The following IMMP2L variants were observed in gnomAD, a reference collection of about 807,000 sequenced individuals.
The protein encoded by IMMP2L is mitochondrial inner membrane protease subunit 2.
A neutral mutation model predicts 19.3 loss-of-function variants in IMMP2L; 18 were observed. The observed-to-expected ratio is 0.93, with a 90% CI of 0.64 to 1.38. The LOEUF is 1.38. Ranked by LOEUF, IMMP2L falls within the 40% of genes most tolerant of loss-of-function variation. IMMP2L has a pLI of 0.00. For synonymous variants in IMMP2L, 76 were observed against 73.0 expected (o/e 1.04, Z -0.21); for missense variants, 233 against 218.2 (o/e 1.07, Z -0.43).
intron 3 of IMMP2L, among the ~76,000 whole-genome samples, chr7:111,242,734 C>T (rs1278988953): frequency 6.6e-6 from 1 of 151,830 alleles, no homozygotes; most frequent in African/African-American, 2.4e-5. Flanking sequence ...CAACCAAAGC[C>T]TATGGCACAA....
chr7:111,497,603 A>C (rs1172354135), intron 2 of IMMP2L, among the ~76,000 whole-genome samples: 1 of 152,158 alleles, frequency 6.6e-6, no homozygotes, highest in Non-Finnish European at 1.5e-5. Context: ...GGACGGAAGA[A>C]AAAAGGGAAA....
At chr7:110,872,670 C>A (rs766067875) in intron 5 of IMMP2L, among the ~76,000 whole-genome samples, 2 of 152,252 alleles carry the variant, frequency 1.3e-5, no homozygotes, top group South Asian at 2.1e-4. Context: ...TCTTCCAGGA[C>A]GGGCACTTAA....
At chr7:110,950,787 T>A (rs999046059) in intron 4 of IMMP2L, among the ~76,000 whole-genome samples, 1 of 147,860 alleles carries the variant, frequency 6.8e-6, no homozygotes, top group Non-Finnish European at 1.5e-5. Context: ...TTCTATGAGT[T>A]TGATGTATTT....
rs981817209 is a variant in IMMP2L, at chr7:111,454,567, T to C, written c.239+32671A>G. On this transcript the variant is annotated intron_variant, in intron 3 of 5. Transcript: ENST00000405709. Reference sequence around the variant, plus strand: ...TAGCTAATTTCATTAATATTTCCTGTGTATCATTTCAAAAAAAATTACTAA... The same window carrying C: ...TAGCTAATTTCATTAATATTTCCTGCGTATCATTTCAAAAAAAATTACTAA... Among the ~76,000 whole-genome samples the C allele has an allele frequency of 1.3e-5, 2 of 152,066 alleles. 1 individual carries two copies. The highest frequency in any genetic ancestry group is 1.3e-4 in the Admixed American group (2 of 15,250).
chr7:111,238,833 C>T (rs1198794910), intron 3 of IMMP2L, among the ~76,000 whole-genome samples: 1 of 151,942 alleles, frequency 6.6e-6, no homozygotes, highest in African/African-American at 2.4e-5. Flanking sequence ...AATTTTGCCA[C>T]TTAGTAGTTG....
At chr7:111,041,447 C>A (rs1791887132) in intron 3 of IMMP2L, among the ~76,000 whole-genome samples, 1 of 151,966 alleles carries the variant, frequency 6.6e-6, no homozygotes, top group Non-Finnish European at 1.5e-5. Flanking sequence ...CAGCAATGAT[C>A]TCTTAACTGC....
chr7:111,151,878 G>C (rs1040115190), intron 3 of IMMP2L, among the ~76,000 whole-genome samples: 1 of 152,196 alleles, frequency 6.6e-6, no homozygotes, highest in African/African-American at 2.4e-5. Context: ...GGAGGTTGCA[G>C]TGAGCCAAGA....
At chr7:111,169,923 T>G (rs1227107108) in intron 3 of IMMP2L, among the ~76,000 whole-genome samples, 1 of 151,900 alleles carries the variant, frequency 6.6e-6, no homozygotes, top group Non-Finnish European at 1.5e-5. Flanking sequence ...TTGTTCATGG[T>G]GGTATTTGGT....
intron 3 of IMMP2L, among the ~76,000 whole-genome samples, chr7:111,475,686 G>A (rs1841655649): frequency 6.6e-6 from 1 of 151,788 alleles, no homozygotes; most frequent in South Asian, 2.1e-4. Context: ...TAAATTACAA[G>A]GAACAAAGAA....
intron 5 of IMMP2L, among the ~76,000 whole-genome samples, chr7:110,725,462 G>T (rs919075545): frequency 6.6e-6 from 1 of 151,628 alleles, no homozygotes; most frequent in South Asian, 2.1e-4. Flanking sequence ...AATTTCCATG[G>T]TATTTTCCTT....
rs111614431 is a variant in IMMP2L at position 110,795,918 on chromosome 7, C to T, written c.408+90675G>A. ...GTGGTGATATGGTTTGGCTGTGTCC[C>T]CACCCAAATCTGATCTTGAATTGTA... On this transcript the variant is annotated intron_variant, in intron 5 of 5. Transcript: ENST00000405709. 2.6e-3 allele frequency among the ~76,000 whole-genome samples: 389 copies of T among 152,122 alleles called. 4 individuals carry two copies. Among genetic ancestry groups the T allele is most frequent in the African/African-American group, 8.8e-3 (364 of 41,530 alleles).
chr7:111,516,298 T>C (rs1585464234), intron 2 of IMMP2L, among the ~76,000 whole-genome samples: 1 of 151,808 alleles, frequency 6.6e-6, no homozygotes, highest in Non-Finnish European at 1.5e-5. Context: ...TACTTTCAGA[T>C]GGTTTAATAA....
intron 3 of IMMP2L, among the ~76,000 whole-genome samples, chr7:111,253,811 C>G (rs1417536669): frequency 6.6e-6 from 1 of 151,892 alleles, no homozygotes. Flanking sequence ...AAAAGCCAGG[C>G]AAGTAATGAA....
intron 3 of IMMP2L, among the ~76,000 whole-genome samples, chr7:111,433,833 T>C (rs966241202): frequency 6.6e-6 from 1 of 151,670 alleles, no homozygotes; most frequent in Admixed American, 6.6e-5. Flanking sequence ...AACCATAGAA[T>C]GGAAGAAATA....
At chr7:111,382,973 CAGGT>C (rs1403710197) in intron 3 of IMMP2L, among the ~76,000 whole-genome samples, 1 of 151,974 alleles carries the variant, frequency 6.6e-6, no homozygotes, top group Non-Finnish European at 1.5e-5. Context: ...CAGATTCATC[CAGGT>C]AGGGGAGAGT....
chr7:110,864,615 GTTAT>G (rs1807801504), intron 5 of IMMP2L, among the ~76,000 whole-genome samples: 1 of 151,954 alleles, frequency 6.6e-6, no homozygotes, highest in Non-Finnish European at 1.5e-5. Flanking sequence ...TGCAAAAAGG[GTTAT>G]TTCTTATTTT....
At chr7:110,755,613 C>T (rs549160158) in intron 5 of IMMP2L, among the ~76,000 whole-genome samples, 20 of 152,114 alleles carry the variant, frequency 1.3e-4, no homozygotes, top group Admixed American at 7.2e-4. Flanking sequence ...TGAGCTTTAG[C>T]GTATAGTGGT....
intron 5 of IMMP2L, among the ~76,000 whole-genome samples, chr7:110,843,241 A>G (rs1805289014): frequency 6.6e-6 from 1 of 152,200 alleles, no homozygotes; most frequent in Non-Finnish European, 1.5e-5. Flanking sequence ...TCTTGAAGAA[A>G]TCCAAAAATG....
chr7:110,678,370 T>C (rs1023863510), intron 5 of IMMP2L, among the ~76,000 whole-genome samples: 1 of 152,136 alleles, frequency 6.6e-6, no homozygotes, highest in African/African-American at 2.4e-5. Context: ...ATATCACCTT[T>C]CCAACAGCTA....
Sources: allele counts gnomAD v4.1 joint callset (sites outside exome capture counted in the v4.1 genomes callset), GRCh38; gene constraint gnomAD v4.1.1; transcripts MANE v1.5; gene names NCBI Gene and HGNC (gene_info 2026-07-23, HGNC 2026-07-21).